TMTC2: variants seen among roughly 807,000 people sequenced by gnomAD.
TMTC2 encodes transmembrane O-mannosyltransferase targeting cadherins 2.
In TMTC2, 43 loss-of-function variants were observed where a neutral mutation model predicts 82.4. The ratio of observed to expected loss-of-function variants is 0.52; its 90% CI spans 0.41 to 0.67. The LOEUF (loss-of-function observed/expected upper bound fraction) is 0.67. Ranked by LOEUF, TMTC2 falls within the 30% of genes least tolerant of loss-of-function variation. TMTC2 has a pLI of 0.00. For synonymous variants in TMTC2, 408 were observed against 381.9 expected (o/e 1.07, Z -0.80); for missense variants, 919 against 1,012.4 (o/e 0.91, Z 1.25).
intron 1 of TMTC2, among the ~76,000 whole-genome samples, chr12:82,740,883 C>T (rs1875368682): frequency 6.6e-6 from 1 of 152,182 alleles, no homozygotes; most frequent in Admixed American, 6.5e-5. Context: ...TCTGGTATTT[C>T]TCAGGTTAGA....
intron 1 of TMTC2, among the ~76,000 whole-genome samples, chr12:82,730,573 C>G (rs916811333): frequency 6.6e-6 from 1 of 152,146 alleles, no homozygotes; most frequent in Non-Finnish European, 1.5e-5. Context: ...TCTCTTGAAT[C>G]CATGCAGAGA....
intron 1 of TMTC2, among the ~76,000 whole-genome samples, chr12:82,792,399 C>G (rs1383115275): frequency 6.6e-6 from 1 of 151,950 alleles, no homozygotes; most frequent in Non-Finnish European, 1.5e-5. Context: ...TCAACACTTC[C>G]AGAGGAGACT....
At chr12:82,868,393 T>G (rs1315493669) in intron 2 of TMTC2, among the ~76,000 whole-genome samples, 1 of 152,202 alleles carries the variant, frequency 6.6e-6, no homozygotes, top group African/African-American at 2.4e-5. Flanking sequence ...GGTTAATTCT[T>G]CTGAACAACA....
chr12:82,721,775 A>G (rs968771309), intron 1 of TMTC2, among the ~76,000 whole-genome samples: 6 of 152,212 alleles, frequency 3.9e-5, no homozygotes, highest in Non-Finnish European at 8.8e-5. Flanking sequence ...TTCTTTAATA[A>G]TATGTGTGAC....
intron 11 of TMTC2, among the ~76,000 whole-genome samples, chr12:83,121,337 A>G (rs1159359490): frequency 2.0e-5 from 3 of 152,110 alleles, no homozygotes; most frequent in African/African-American, 2.4e-5. Context: ...ATTTTGTCCC[A>G]TGGTGTGTTC....
chr12:82,715,283 AAAAC>A (rs1306260366), intron 1 of TMTC2, among the ~76,000 whole-genome samples: 6 of 152,014 alleles, frequency 3.9e-5, no homozygotes, highest in Non-Finnish European at 8.8e-5. Flanking sequence ...TCAAAAAAAA[AAAAC>A]AAAAAAGAAA....
intron 1 of TMTC2, among the ~76,000 whole-genome samples, chr12:82,702,826 C>A (rs1873146880): frequency 6.6e-6 from 1 of 151,982 alleles, no homozygotes; most frequent in South Asian, 2.1e-4. Flanking sequence ...CTAGCCTGGG[C>A]AACACAGGGA....
intron 2 of TMTC2, among the ~76,000 whole-genome samples, chr12:82,886,134 G>A (rs75858404): frequency 6.6e-6 from 1 of 152,090 alleles, no homozygotes; most frequent in Non-Finnish European, 1.5e-5. Flanking sequence ...AGCTCTTTAA[G>A]TGGGTTCCTG....
chr12:82,930,918 T>A (rs1875992484), intron 4 of TMTC2, among the ~76,000 whole-genome samples: 1 of 152,206 alleles, frequency 6.6e-6, no homozygotes. Context: ...TTAGCATTAT[T>A]ATTTTTATGA....
chr12:83,058,604 A>G (rs1882629837), intron 10 of TMTC2, among the ~76,000 whole-genome samples: 1 of 151,858 alleles, frequency 6.6e-6, no homozygotes, highest in South Asian at 2.1e-4. Context: ...GATATGTGAC[A>G]TAACAATGTT....
In TMTC2 at chr12:82,999,135, C is replaced by A. The variant is rs114332880; in HGVS notation, c.2070+13089C>A. On this transcript the variant is annotated intron_variant, in intron 8 of 11. Transcript: ENST00000321196. ...TTCCAGGATCCCATTTAGGAAACCA[C>A]GTTACATTTAGTAGTCATGTCTCCT... Among the ~76,000 whole-genome samples the A allele has an allele frequency of 9.7e-3, 1,474 of 152,216 alleles. 20 individuals are homozygous for A. Among genetic ancestry groups the A allele is most frequent in the African/African-American group, 0.034 (1,415 of 41,526 alleles).
intron 3 of TMTC2, among the ~76,000 whole-genome samples, chr12:82,921,262 C>A (rs1875378427): frequency 6.6e-6 from 1 of 151,946 alleles, no homozygotes; most frequent in African/African-American, 2.4e-5. Context: ...TGCCTCTGAC[C>A]ACATTTGGAT....
intron 8 of TMTC2, among the ~76,000 whole-genome samples, chr12:82,990,477 A>G (rs1276011838): frequency 6.6e-6 from 1 of 152,070 alleles, no homozygotes; most frequent in Non-Finnish European, 1.5e-5. Context: ...TTTTTCTGCC[A>G]AAAATGTCCT....
intron 4 of TMTC2, among the ~76,000 whole-genome samples, chr12:82,938,158 C>T (rs948074026): frequency 2.6e-5 from 4 of 151,890 alleles, no homozygotes; most frequent in Non-Finnish European, 5.9e-5. Context: ...AGGTGATCCA[C>T]CCACCTCAGC....
At chr12:83,077,039 G>A (rs568102673) in intron 11 of TMTC2, among the ~76,000 whole-genome samples, 2 of 152,182 alleles carry the variant, frequency 1.3e-5, no homozygotes, top group Non-Finnish European at 1.5e-5. Context: ...ATTAAAGACT[G>A]TTATGAGAGG....
chr12:83,089,767 T>G (rs1883778955), intron 11 of TMTC2, among the ~76,000 whole-genome samples: 1 of 151,320 alleles, frequency 6.6e-6, no homozygotes, highest in Non-Finnish European at 1.5e-5. Context: ...AGCCATGCCC[T>G]TTTTGTAGAC....
At chr12:82,833,294 G>A (rs577709301) in intron 1 of TMTC2, among the ~76,000 whole-genome samples, 22 of 152,254 alleles carry the variant, frequency 1.4e-4, no homozygotes, top group African/African-American at 5.1e-4. Flanking sequence ...AAAGCCAGGC[G>A]AGAATCCCAG....
At chr12:82,884,073 TGTAATGG>T (rs1403111718) in intron 2 of TMTC2, among the ~76,000 whole-genome samples, 2 of 152,114 alleles carry the variant, frequency 1.3e-5, no homozygotes, top group African/African-American at 4.8e-5. Context: ...TTGTTTTTAG[TGTAATGG>T]GTTAGGGGCT....
At chr12:82,688,653 C>T (rs1565708912) in intron 1 of TMTC2, among the ~76,000 whole-genome samples, 1 of 152,190 alleles carries the variant, frequency 6.6e-6, no homozygotes, top group South Asian at 2.1e-4. Flanking sequence ...CCTGGCTAAA[C>T]TTATTAACCG....
Sources: gnomAD v4.1 joint callset for allele counts (sites outside exome capture counted in the v4.1 genomes callset) on GRCh38, gnomAD v4.1.1 for gene constraint, MANE v1.5 for transcripts, NCBI Gene and HGNC (gene_info 2026-07-23, HGNC 2026-07-21) for gene names.